The following PCGF3 variants were observed in gnomAD, a reference collection of about 807,000 sequenced individuals.
The protein encoded by PCGF3 is polycomb group RING finger protein 3.
PCGF3 carries 7 observed loss-of-function variants against 33.1 expected under a neutral mutation model. The ratio of observed to expected loss-of-function variants is 0.21; its 90% confidence interval spans 0.12 to 0.40. The LOEUF (loss-of-function observed/expected upper bound fraction) is 0.40, where lower values mean the gene tolerates loss of function less well. Ranked by LOEUF, PCGF3 falls within the 10% of genes least tolerant of loss-of-function variation. The pLI is 1.00. For synonymous variants in PCGF3, 153 were observed against 121.3 expected (o/e 1.26, Z -1.72); for missense variants, 211 against 313.3 (o/e 0.67, Z 2.46).
intron 5 of PCGF3, among the ~76,000 whole-genome samples, chr4:735,699 G>T (rs564970910): frequency 6.6e-6 from 1 of 152,236 alleles, no homozygotes; most frequent in South Asian, 2.1e-4. Flanking sequence ...TGGAGCAGAT[G>T]GTCCTGGGGC....
chr4:743,101 C>G (rs1478355000), intron 6 of PCGF3, among the ~76,000 whole-genome samples: 1 of 152,218 alleles, frequency 6.6e-6, no homozygotes, highest in African/African-American at 2.4e-5. Flanking sequence ...TGGCATGGCA[C>G]TGCTGTGGCC....
At chr4:764,989 C>T (rs750805361) in exon 10 of PCGF3, 2 of 1,613,366 alleles carry the variant, frequency 1.2e-6, no homozygotes, top group African/African-American at 1.3e-5. Flanking sequence ...CCCAGCTGGA[C>T]ATTTTATGCA....
At chr4:751,140 G>T (rs145315280) in intron 8 of PCGF3, among the ~76,000 whole-genome samples, 1 of 152,040 alleles carries the variant, frequency 6.6e-6, no homozygotes, top group East Asian at 1.9e-4. Flanking sequence ...TTCTCTTTCT[G>T]TTCTTCTTGT....
intron 1 of PCGF3, among the ~76,000 whole-genome samples, chr4:715,350 G>A (rs1742769435): frequency 7.1e-6 from 1 of 141,562 alleles, no homozygotes; most frequent in Non-Finnish European, 1.5e-5. Context: ...CGTCGGTGCT[G>A]GGACCTTGTA....
At chr4:749,476 C>CTTTTTTTTTTTTTTTTTTTTTTTTT (rs71640348) in intron 8 of PCGF3, among the ~76,000 whole-genome samples, 3 of 75,496 alleles carry the variant, frequency 4.0e-5, no homozygotes, top group South Asian at 5.2e-4. Flanking sequence ...ATTTTCTTTC[C>CTTTTTTTTTTTTTTTTTTTTTTTTT]TTTTTTTTTT....
chr4:706,640 G>T (rs1742318705), intron 1 of PCGF3, among the ~76,000 whole-genome samples: 1 of 140,588 alleles, frequency 7.1e-6, no homozygotes, highest in African/African-American at 2.7e-5. Flanking sequence ...CCCAGACCAG[G>T]CAGGACCCAG....
chr4:762,108 T>C, intron 9 of PCGF3: 2 of 984,748 alleles, frequency 2.0e-6, no homozygotes, highest in Non-Finnish European at 2.4e-6. Context: ...AGCAGTGGAC[T>C]CAGTGGTGGC....
chr4:756,216 CTT>C (rs34956842), intron 8 of PCGF3, among the ~76,000 whole-genome samples: 1 of 120,348 alleles, frequency 8.3e-6, no homozygotes, highest in Non-Finnish European at 1.8e-5. Flanking sequence ...CCGCACTTGG[CTT>C]TTTTTTTTTT....
chr4:738,665 T>C (rs1743947698), intron 6 of PCGF3, among the ~76,000 whole-genome samples: 1 of 144,634 alleles, frequency 6.9e-6, no homozygotes, highest in Non-Finnish European at 1.5e-5. Context: ...CAGACCAACA[T>C]AGTGAAACCC....
At chr4:748,239 T>G (rs1744354200) in intron 8 of PCGF3, among the ~76,000 whole-genome samples, 1 of 152,016 alleles carries the variant, frequency 6.6e-6, no homozygotes, top group Non-Finnish European at 1.5e-5. Flanking sequence ...TGCTCTTGTC[T>G]GCCAGGCTGG....
Position 765,239 on chromosome 4 carries a change from C to T in PCGF3, c.681+175C>T, listed in dbSNP as rs1427679742. On this transcript the variant is annotated intron_variant, in intron 10 of 10. Transcript: ENST00000362003. ...ACGAGGTCAGGAGATCCAGACAATC[C>T]TGGCTAACATGGTGAAACCCAATCT... Among the ~76,000 whole-genome samples, 4 of 152,156 alleles carry T rather than the reference C, an allele frequency of 2.6e-5. No individual in the cohort carries two copies. In the East Asian group the frequency reaches 5.8e-4, roughly 22 times the overall value.
intron 9 of PCGF3, chr4:762,188 T>G: frequency 6.1e-6 from 4 of 658,772 alleles, no homozygotes; most frequent in Non-Finnish European, 7.5e-6. Flanking sequence ...AGGATCTTTG[T>G]AGATATAATT....
Position 743,592 on chromosome 4 carries a change from C to T in PCGF3, c.373+8C>T, listed in dbSNP as rs373322476. 7.9e-5 allele frequency: 119 copies of T among 1,509,852 alleles called. No homozygotes were observed. Among genetic ancestry groups the T allele is most frequent in the Middle Eastern group, 1.7e-4 (1 of 5,846 alleles). 93.5% of individuals were successfully genotyped at this position (1,509,852 alleles called of 1,614,324 possible). On this transcript the variant is annotated splice_region_variant and intron_variant, in intron 7 of 10. Coordinates refer to ENST00000362003, the Ensembl canonical transcript of PCGF3. ...TAGATTCCCATCGGAATGGTGAGTGCCCTGCGTGCCCATCCAGAAGCCCCG... is the reference window on the plus strand; with the variant it reads ...TAGATTCCCATCGGAATGGTGAGTGTCCTGCGTGCCCATCCAGAAGCCCCG...
intron 8 of PCGF3, among the ~76,000 whole-genome samples, chr4:753,687 C>T (rs1744632964): frequency 6.6e-6 from 1 of 151,382 alleles, no homozygotes; most frequent in Non-Finnish European, 1.5e-5. Context: ...GTGGCTCACG[C>T]CTGTAATCCC....
At chr4:744,517 C>A in intron 7 of PCGF3, 83 bp from the exon 8 acceptor site, 8 of 1,030,972 alleles carry the variant, frequency 7.8e-6, no homozygotes, top group Admixed American at 2.2e-5. Context: ...GAATTTTTGA[C>A]GGCATTTGGA....
Position 765,474 on chromosome 4 carries a change from G to A in PCGF3, c.681+410G>A, listed in dbSNP as rs571703558. ...TGATGACTCAGCTACAGAAATTGTT[G>A]TGAAACACAGTTCTGGTCTTTCTGA... On this transcript the variant is annotated intron_variant, in intron 10 of 10. Transcript: ENST00000362003. Among the ~76,000 whole-genome samples the A allele has an allele frequency of 1.2e-4, 18 of 152,134 alleles. No individual in the cohort carries two copies. The South Asian group carries it at 3.7e-3, about 32-fold the overall frequency.
intron 1 of PCGF3, among the ~76,000 whole-genome samples, chr4:713,477 T>C (rs1742670037): frequency 7.9e-6 from 1 of 126,660 alleles, no homozygotes; most frequent in Non-Finnish European, 1.6e-5. Context: ...GCCTCATGGG[T>C]CCTGTGTGGC....
intron 6 of PCGF3, among the ~76,000 whole-genome samples, chr4:743,164 C>A (rs1004973915): frequency 6.6e-6 from 1 of 152,234 alleles, no homozygotes; most frequent in African/African-American, 2.4e-5. Flanking sequence ...TGGACACTCA[C>A]AGGCAGTGGC....
At chr4:715,167 G>A (rs1236835852) in intron 1 of PCGF3, among the ~76,000 whole-genome samples, 4 of 147,220 alleles carry the variant, frequency 2.7e-5, no homozygotes, top group East Asian at 2.1e-4. Context: ...AGAACTGGGC[G>A]TCGGTGCTGG....
Sources: gnomAD v4.1 joint callset for allele counts (sites outside exome capture counted in the v4.1 genomes callset) on GRCh38, gnomAD v4.1.1 for gene constraint, MANE v1.5 for transcripts, NCBI Gene and HGNC (gene_info 2026-07-23, HGNC 2026-07-21) for gene names.